Variants in HECW2 observed in about 807,000 individuals in gnomAD.
HECW2 encodes HECT, C2 and WW domain containing E3 ubiquitin protein ligase 2, also known as E3 ubiquitin-protein ligase HECW2.
In HECW2, 61 loss-of-function variants were observed where a neutral mutation model predicts 175.2. That is an observed-to-expected ratio of 0.35 (90% CI 0.28 to 0.43). HECW2 has a LOEUF of 0.43. HECW2 is among the 20% of genes least tolerant of loss of function. The probability of loss-of-function intolerance (pLI) is 1.00; values close to 1 mark genes in which losing one functional copy is unlikely to be tolerated. For missense variants in HECW2, 1,524 were observed against 2,000.5 expected (o/e 0.76, Z 4.54); for synonymous variants, 671 against 731.0 (o/e 0.92, Z 1.32).
At chr2:196,342,509 T>A (rs1692793955) in intron 3 of HECW2, among the ~76,000 whole-genome samples, 1 of 144,478 alleles carries the variant, frequency 6.9e-6, no homozygotes, top group South Asian at 2.2e-4. Context: ...TTCTATATAT[T>A]CCACAAAAAT....
At chr2:196,523,852 T>C (rs1688520002) in intron 1 of HECW2, among the ~76,000 whole-genome samples, 1 of 152,110 alleles carries the variant, frequency 6.6e-6, no homozygotes, top group African/African-American at 2.4e-5. Flanking sequence ...GATAAGCTTT[T>C]TGATGTGCTG....
rs142930618 is a variant in HECW2 at position 196,538,220 on chromosome 2, T to C, written c.-36+55288A>G. ...GAGGCATATCCTCCACTTTTTCTGA[T>C]AAAGACAAACAAGGAAGGTGATAAA... On this transcript the variant is annotated intron_variant, in intron 1 of 28. Transcript: ENST00000644978. Among the ~76,000 whole-genome samples the C allele has an allele frequency of 8.2e-4, 125 of 152,298 alleles. 3 individuals are homozygous for C. In the East Asian group the frequency reaches 0.023, roughly 28 times the overall value.
chr2:196,433,956 G>A (rs909448311), intron 1 of HECW2, among the ~76,000 whole-genome samples: 30 of 152,178 alleles, frequency 2.0e-4, no homozygotes, highest in African/African-American at 6.8e-4. Context: ...CTTTTCAGGA[G>A]CTTGCTCAAA....
chr2:196,507,143 AGTGTGTATATT>A (rs1241050958), intron 1 of HECW2, among the ~76,000 whole-genome samples: 1,333 of 69,884 alleles, frequency 0.019, 8 homozygotes, highest in South Asian at 0.054. Flanking sequence ...TACACACGTT[AGTGTGTATATT>A]ATACACACAC....
chr2:196,507,186 A>AATATGTGTATATTACACACACACTC, intron 1 of HECW2, among the ~76,000 whole-genome samples: 1 of 152,276 alleles, frequency 6.6e-6, no homozygotes, highest in African/African-American at 2.4e-5. Flanking sequence ...TACACACACT[A>AATATGTGTATATTACACACACACTC]ATATGTGTAT....
intron 2 of HECW2, among the ~76,000 whole-genome samples, chr2:196,424,056 C>T (rs2125251249): frequency 6.6e-6 from 1 of 152,006 alleles, no homozygotes; most frequent in Middle Eastern, 3.4e-3. Flanking sequence ...AGCATATGCT[C>T]ACTTCATGTC....
rs117059881 is a variant in HECW2 at position 196,455,779 on chromosome 2, A to T, written c.-35-22321T>A. 3.9e-3 allele frequency among the ~76,000 whole-genome samples: 593 copies of T among 152,222 alleles called. 10 individuals carry two copies. The highest frequency in any genetic ancestry group is 6.0e-3 in the East Asian group (31 of 5,186). ...AAAGGATAAAATAGAAAATTATTTT[A>T]TTCTTGCAAATTAATTTGCAAGACA... On this transcript the variant is annotated intron_variant, in intron 1 of 28. Transcript: ENST00000644978.
At chr2:196,489,890 A>G (rs181182090) in intron 1 of HECW2, among the ~76,000 whole-genome samples, 3 of 152,356 alleles carry the variant, frequency 2.0e-5, no homozygotes, top group African/African-American at 7.2e-5. Flanking sequence ...GAATGTGGTC[A>G]TTGAAGACTG....
chr2:196,247,543 T>C (rs910854773), intron 19 of HECW2, among the ~76,000 whole-genome samples: 1 of 152,138 alleles, frequency 6.6e-6, no homozygotes, highest in African/African-American at 2.4e-5. Flanking sequence ...GCTGACTTCA[T>C]GGATAGTCAG....
At chr2:196,269,711 A>T (rs1689658130) in intron 17 of HECW2, among the ~76,000 whole-genome samples, 1 of 152,334 alleles carries the variant, frequency 6.6e-6, no homozygotes, top group South Asian at 2.1e-4. Context: ...ATTGGAAAAT[A>T]ACGCATAAGG....
At chr2:196,330,920 C>T (rs6727129) in intron 4 of HECW2, among the ~76,000 whole-genome samples, 148,995 of 152,228 alleles carry the variant, frequency 0.98, 72,984 homozygotes, top group Middle Eastern at 1. Context: ...TTAACTACTG[C>T]CCAGGTCTGA....
At chr2:196,315,625 T>G (rs1026171990) in intron 10 of HECW2, among the ~76,000 whole-genome samples, 2 of 152,092 alleles carry the variant, frequency 1.3e-5, no homozygotes, top group Non-Finnish European at 2.9e-5. Flanking sequence ...ATACATCAAC[T>G]CATTAAAAGG....
chr2:196,586,750 AAAAC>A (rs1690996219), intron 1 of HECW2: 2 of 152,054 alleles, frequency 1.3e-5, no homozygotes, highest in African/African-American at 4.8e-5. Context: ...CAAAAAAAAA[AAAAC>A]AAAAAAAAAC....
chr2:196,469,957 T>C (rs1265054681), intron 1 of HECW2, among the ~76,000 whole-genome samples: 4 of 152,016 alleles, frequency 2.6e-5, no homozygotes, highest in Non-Finnish European at 4.4e-5. Context: ...ATTTCTAGAA[T>C]AAAACTTAAT....
chr2:196,404,972 C>CT, intron 2 of HECW2, among the ~76,000 whole-genome samples: 1 of 143,412 alleles, frequency 7.0e-6, no homozygotes, highest in Non-Finnish European at 1.5e-5. Flanking sequence ...CTACAGGTGT[C>CT]CGCCACCACT....
chr2:196,501,743 G>C (rs1687586478), intron 1 of HECW2, among the ~76,000 whole-genome samples: 1 of 152,038 alleles, frequency 6.6e-6, no homozygotes, highest in Non-Finnish European at 1.5e-5. Context: ...AAAACATAAA[G>C]TGACTTAGGC....
intron 3 of HECW2, among the ~76,000 whole-genome samples, chr2:196,337,231 G>T (rs1446366748): frequency 1.3e-5 from 2 of 152,084 alleles, no homozygotes; most frequent in African/African-American, 2.4e-5. Context: ...AGAATGCTCA[G>T]AAGGATGGAA....
In HECW2 at chr2:196,307,357, T is replaced by C. The variant is rs553339140; in HGVS notation, c.2586-124A>G. The C allele has an allele frequency of 5.7e-6, 3 of 528,292 alleles. No homozygotes were observed. In the East Asian group the frequency reaches 9.6e-5, roughly 17 times the overall value. The allele number at this position is 528,292 out of a possible 1,614,324, so 32.7% of individuals were successfully genotyped here. A position where few individuals can be genotyped will look rare whatever the true frequency, so the allele number is the denominator to read the frequency against. ...CAACTATTTCCTCCTCCAACCCCCATTCCCTGGACTTCTTGGCCACCTGCT... is the reference window on the plus strand; with the variant it reads ...CAACTATTTCCTCCTCCAACCCCCACTCCCTGGACTTCTTGGCCACCTGCT... On this transcript the variant is annotated intron_variant, in intron 11 of 28. Transcript: ENST00000644978.
chr2:196,472,768 T>C (rs1368440099), intron 1 of HECW2, among the ~76,000 whole-genome samples: 1 of 151,972 alleles, frequency 6.6e-6, no homozygotes, highest in Non-Finnish European at 1.5e-5. Context: ...ATTACAGGCA[T>C]GCATCACCAC....
Sources: allele counts gnomAD v4.1 joint callset (sites outside exome capture counted in the v4.1 genomes callset), GRCh38; gene constraint gnomAD v4.1.1; transcripts MANE v1.5; gene names NCBI Gene and HGNC (gene_info 2026-07-23, HGNC 2026-07-21).